CACNA2D3: variants seen among roughly 807,000 people sequenced by gnomAD.
CACNA2D3 encodes the protein voltage-dependent calcium channel subunit alpha-2/delta-3.
In CACNA2D3, 60 loss-of-function variants were observed where a neutral mutation model predicts 160.6. That is an observed-to-expected ratio of 0.37 (90% CI 0.30 to 0.46). CACNA2D3 has a LOEUF of 0.46. Among genes scored for constraint, CACNA2D3 ranks in the 20% least tolerant of loss-of-function variants. The pLI, the probability that CACNA2D3 is intolerant of heterozygous loss-of-function variation, is 1.00. For synonymous variants in CACNA2D3, 558 were observed against 492.9 expected (o/e 1.13, Z -1.75); for missense variants, 1,205 against 1,365.0 (o/e 0.88, Z 1.85).
intron 11 of CACNA2D3, among the ~76,000 whole-genome samples, chr3:54,668,823 G>C (rs995723163): frequency 6.6e-6 from 1 of 152,204 alleles, no homozygotes; most frequent in Non-Finnish European, 1.5e-5. Flanking sequence ...CAGGCATCTA[G>C]TCTCTGTCAG....
intron 2 of CACNA2D3, among the ~76,000 whole-genome samples, chr3:54,275,863 C>T (rs947639816): frequency 1.3e-5 from 2 of 148,324 alleles, no homozygotes; most frequent in East Asian, 2.0e-4. Context: ...GGTGATCTGC[C>T]GTGATCTGCC....
intron 2 of CACNA2D3, among the ~76,000 whole-genome samples, chr3:54,133,847 C>T (rs761214119): frequency 7.5e-4 from 114 of 152,100 alleles, no homozygotes; most frequent in Non-Finnish European, 1.5e-3. Flanking sequence ...AGTGTGGGCT[C>T]TTAAACTCTG....
At chr3:54,454,752 T>G (rs965312557) in intron 4 of CACNA2D3, among the ~76,000 whole-genome samples, 3 of 152,030 alleles carry the variant, frequency 2.0e-5, no homozygotes, top group African/African-American at 7.2e-5. Flanking sequence ...GCTATCCACC[T>G]CCCTCTTTCC....
intron 4 of CACNA2D3, among the ~76,000 whole-genome samples, chr3:54,453,161 T>C (rs1054848441): frequency 6.6e-6 from 1 of 152,010 alleles, no homozygotes; most frequent in Non-Finnish European, 1.5e-5. Context: ...CCAGCTAATT[T>C]TTTGTATTTT....
intron 2 of CACNA2D3, among the ~76,000 whole-genome samples, chr3:54,279,379 G>C (rs1702819552): frequency 6.6e-6 from 1 of 152,178 alleles, no homozygotes; most frequent in East Asian, 1.9e-4. Flanking sequence ...GGCCCTACTA[G>C]TATGTATGCC....
At chr3:54,424,269 G>A (rs912463161) in intron 4 of CACNA2D3, among the ~76,000 whole-genome samples, 28 of 152,334 alleles carry the variant, frequency 1.8e-4, no homozygotes, top group African/African-American at 6.3e-4. Flanking sequence ...GCAAAAAGAG[G>A]CAGGAGCCCC....
At chr3:54,259,122 A>G (rs974563163) in intron 2 of CACNA2D3, among the ~76,000 whole-genome samples, 1 of 152,174 alleles carries the variant, frequency 6.6e-6, no homozygotes, top group Non-Finnish European at 1.5e-5. Flanking sequence ...GTCTCACCTT[A>G]CCCTGGAGAT....
chr3:54,683,962 CTTTTTTTTTTTT>C (rs61481695), intron 11 of CACNA2D3, among the ~76,000 whole-genome samples: 45 of 110,816 alleles, frequency 4.1e-4, no homozygotes, highest in African/African-American at 1.6e-3. Context: ...AAATTTCCAC[CTTTTTTTTTTTT>C]TTTTTTTTTT....
rs576155670 is a variant in CACNA2D3 at position 54,569,727 on chromosome 3, C to T, written c.677-68C>T. 1.8e-5 allele frequency: 23 copies of T among 1,255,774 alleles called. No homozygotes were observed. In the East Asian group the frequency reaches 2.0e-4, roughly 11 times the overall value. 77.8% of individuals were successfully genotyped at this position (1,255,774 alleles called of 1,614,324 possible). On this transcript the variant is annotated intron_variant, in intron 6 of 37. Coordinates refer to ENST00000474759, the MANE Select transcript of CACNA2D3 (RefSeq NM_018398.3). Reference sequence around the variant, plus strand: ...TGTCCATTCAATCAGCAAAGTAGAGCAGCCTTGAAATGCTATGAATAAATA... The same window carrying T: ...TGTCCATTCAATCAGCAAAGTAGAGTAGCCTTGAAATGCTATGAATAAATA...
At chr3:54,957,351 G>T (rs1364643660) in intron 27 of CACNA2D3, among the ~76,000 whole-genome samples, 4 of 151,914 alleles carry the variant, frequency 2.6e-5, no homozygotes, top group African/African-American at 9.7e-5. Flanking sequence ...GTCTCACTCT[G>T]TTGCTCAGGC....
At chr3:54,594,072 T>C (rs1575367674) in intron 9 of CACNA2D3, among the ~76,000 whole-genome samples, 1 of 152,238 alleles carries the variant, frequency 6.6e-6, no homozygotes, top group African/African-American at 2.4e-5. Flanking sequence ...ATAAATTGTT[T>C]GGGTTAAAAC....
chr3:54,913,561 G>C (rs1700600824), intron 27 of CACNA2D3, among the ~76,000 whole-genome samples: 1 of 152,170 alleles, frequency 6.6e-6, no homozygotes, highest in Non-Finnish European at 1.5e-5. Flanking sequence ...GATTATGAAA[G>C]GGTTCTTATT....
chr3:55,020,919 GT>G (rs1703433879), intron 35 of CACNA2D3, among the ~76,000 whole-genome samples: 1 of 150,316 alleles, frequency 6.7e-6, no homozygotes. Flanking sequence ...TGAACTTTTT[GT>G]TTTTATGCTC....
At chr3:54,154,473 T>C (rs1028085279) in intron 2 of CACNA2D3, among the ~76,000 whole-genome samples, 2 of 152,224 alleles carry the variant, frequency 1.3e-5, no homozygotes, top group African/African-American at 4.8e-5. Flanking sequence ...TTGTGGGCTT[T>C]ACTAGCACAT....
intron 27 of CACNA2D3, among the ~76,000 whole-genome samples, chr3:54,938,321 G>A (rs549970781): frequency 2.0e-5 from 3 of 152,290 alleles, no homozygotes; most frequent in Non-Finnish European, 2.9e-5. Flanking sequence ...GAGTGTTTAC[G>A]TCCTGCAACT....
At chr3:54,556,605 TA>T (rs1054123385) in intron 5 of CACNA2D3, among the ~76,000 whole-genome samples, 18 of 152,152 alleles carry the variant, frequency 1.2e-4, no homozygotes, top group Non-Finnish European at 2.4e-4. Flanking sequence ...CTTAAACCTC[TA>T]AAAAGATGAG....
rs75012950 is a variant in CACNA2D3, at chr3:54,371,607, T to C, written c.322-15108T>C. On this transcript the variant is annotated intron_variant, in intron 3 of 37. Coordinates refer to ENST00000474759, the MANE Select transcript of CACNA2D3 (RefSeq NM_018398.3). Reference sequence around the variant, plus strand: ...TCGTGTGCATTTTCCTCTCTCCAATTTCCATCACTCAAGTAAGATCTCTCC... The same window carrying C: ...TCGTGTGCATTTTCCTCTCTCCAATCTCCATCACTCAAGTAAGATCTCTCC... 6.0e-3 allele frequency among the ~76,000 whole-genome samples: 915 copies of C among 152,306 alleles called. 15 individuals carry two copies. The East Asian group carries it at 0.063, about 10-fold the overall frequency.
intron 2 of CACNA2D3, among the ~76,000 whole-genome samples, chr3:54,314,179 C>T (rs1242879390): frequency 2.0e-5 from 3 of 152,188 alleles, no homozygotes; most frequent in Non-Finnish European, 4.4e-5. Context: ...TCCTAAGTTA[C>T]TGCACTTAGA....
At chr3:54,597,018 G>T (rs899937438) in intron 9 of CACNA2D3, among the ~76,000 whole-genome samples, 3 of 152,066 alleles carry the variant, frequency 2.0e-5, no homozygotes, top group African/African-American at 7.2e-5. Context: ...TGTCTCCACG[G>T]CACACAGCAT....
Sources: gnomAD v4.1 joint callset for allele counts (sites outside exome capture counted in the v4.1 genomes callset) on GRCh38, gnomAD v4.1.1 for gene constraint, MANE v1.5 for transcripts, NCBI Gene and HGNC (gene_info 2026-07-23, HGNC 2026-07-21) for gene names.